Variants in FAM13C observed in about 807,000 individuals in gnomAD.
FAM13C encodes protein FAM13C.
FAM13C carries 37 observed loss-of-function variants against 73.2 expected under a neutral mutation model. The ratio of observed to expected loss-of-function variants is 0.51; its 90% CI spans 0.39 to 0.67. The LOEUF is 0.67. FAM13C is among the 30% of genes least tolerant of loss of function. The pLI is 0.00. For missense variants in FAM13C, 589 were observed against 715.6 expected (o/e 0.82, Z 2.02); for synonymous variants, 246 against 260.9 (o/e 0.94, Z 0.55).
At chr10:59,327,096 A>C (rs538734318) in intron 3 of FAM13C, among the ~76,000 whole-genome samples, 2 of 152,180 alleles carry the variant, frequency 1.3e-5, no homozygotes, top group African/African-American at 4.8e-5. Context: ...ATTGGCATTA[A>C]GGAACGACAG....
intron 4 of FAM13C, among the ~76,000 whole-genome samples, chr10:59,310,047 C>A (rs577099805): frequency 6.6e-6 from 1 of 152,274 alleles, no homozygotes; most frequent in East Asian, 1.9e-4. Context: ...TAATTAGTAG[C>A]TTTTGAACCC....
Position 59,355,886 on chromosome 10 carries a change from C to T in FAM13C, c.119+1G>A. On this transcript the variant is annotated splice_donor_variant, in intron 2 of 13. Coordinates refer to ENST00000618804, the MANE Select transcript of FAM13C (RefSeq NM_198215.4). LOFTEE classifies it high-confidence loss of function. Reference sequence around the variant, plus strand: ...ATGAACCAAGCAATGGTGGCTTTTACCTGAGACTGGAGCAATCAGTCTGGT... The same window carrying T: ...ATGAACCAAGCAATGGTGGCTTTTATCTGAGACTGGAGCAATCAGTCTGGT... 6.2e-7 allele frequency: 1 copy of T among 1,613,816 alleles called. No homozygotes were observed. The highest frequency in any genetic ancestry group is 1.1e-5 in the South Asian group (1 of 91,072).
chr10:59,297,381 A>T (rs1052723883), intron 5 of FAM13C: 2 of 152,226 alleles, frequency 1.3e-5, no homozygotes, highest in Non-Finnish European at 2.9e-5. Context: ...TCACAGTTAG[A>T]AATGGGGAAG....
chr10:59,360,490 A>G (rs7080408), intron 1 of FAM13C, among the ~76,000 whole-genome samples: 15,047 of 152,084 alleles, frequency 0.099, 1,113 homozygotes, highest in African/African-American at 0.21. Flanking sequence ...AGAACCTGCT[A>G]TGTCTGTGTC....
intron 13 of FAM13C, 147 bp from the exon 14 acceptor site, chr10:59,247,884 A>T (rs1179941057): frequency 1.5e-6 from 1 of 667,626 alleles, no homozygotes; most frequent in African/African-American, 1.8e-5. Flanking sequence ...TTTCACCTTC[A>T]TTCACTCCTT....
At chr10:59,301,995 G>C (rs1477879715) in intron 5 of FAM13C, among the ~76,000 whole-genome samples, 1 of 146,088 alleles carries the variant, frequency 6.8e-6, no homozygotes, top group Non-Finnish European at 1.5e-5. Flanking sequence ...AGGAAGGGAT[G>C]CATCTTCAAA....
chr10:59,330,734 G>C (rs1239519087), intron 3 of FAM13C, among the ~76,000 whole-genome samples: 1 of 152,116 alleles, frequency 6.6e-6, no homozygotes, highest in South Asian at 2.1e-4. Context: ...GCCTTGCACA[G>C]GTCTCCAACT....
chr10:59,251,727 A>T (rs763724060), intron 12 of FAM13C, 51 bp from the exon 13 acceptor site: 5 of 1,357,112 alleles, frequency 3.7e-6, no homozygotes, highest in Non-Finnish European at 4.1e-6. Context: ...TAATTGAGAG[A>T]TCATCATGAG....
At chr10:59,359,852 G>C (rs1412168695) in intron 1 of FAM13C, among the ~76,000 whole-genome samples, 2 of 152,168 alleles carry the variant, frequency 1.3e-5, no homozygotes, top group Non-Finnish European at 2.9e-5. Context: ...AGTTAGCTTT[G>C]AGAACCACTG....
chr10:59,272,719 C>T (rs1351561465), intron 6 of FAM13C, among the ~76,000 whole-genome samples: 1 of 152,104 alleles, frequency 6.6e-6, no homozygotes, highest in Non-Finnish European at 1.5e-5. Flanking sequence ...CTCTCTTTTT[C>T]ATTGTTTGGC....
intron 3 of FAM13C, chr10:59,327,769 C>A (rs1359064823): frequency 6.6e-6 from 1 of 152,092 alleles, no homozygotes; most frequent in East Asian, 1.9e-4. Flanking sequence ...ATATACCAAG[C>A]ACTTTTATAG....
At chr10:59,309,221 C>T (rs1848647327) in intron 4 of FAM13C, among the ~76,000 whole-genome samples, 1 of 152,060 alleles carries the variant, frequency 6.6e-6, no homozygotes, top group Admixed American at 6.6e-5. Context: ...TGTCTGTCCC[C>T]TCCCCTCTAT....
chr10:59,340,782 A>G (rs985270375), intron 3 of FAM13C, among the ~76,000 whole-genome samples: 1 of 151,998 alleles, frequency 6.6e-6, no homozygotes, highest in African/African-American at 2.4e-5. Context: ...CTTATTTTAT[A>G]TTAGATTGGT....
At chr10:59,290,580 A>T (rs977134208) in intron 5 of FAM13C, among the ~76,000 whole-genome samples, 1 of 152,064 alleles carries the variant, frequency 6.6e-6, no homozygotes, top group Non-Finnish European at 1.5e-5. Context: ...ACTCAGCTCT[A>T]GTTGTTTCTC....
intron 4 of FAM13C, among the ~76,000 whole-genome samples, chr10:59,320,280 GC>G (rs1301245524): frequency 6.6e-6 from 1 of 152,130 alleles, no homozygotes; most frequent in Non-Finnish European, 1.5e-5. Flanking sequence ...CTTTGTACAA[GC>G]CAAATATGTC....
At position 59,352,285 on chromosome 10, in the gene FAM13C, G is replaced by T; in HGVS notation, c.309C>A (p.Ser103Arg). The T allele has an allele frequency of 6.2e-7, 1 of 1,613,916 alleles. No homozygotes were observed. The highest frequency in any genetic ancestry group is 8.5e-7 in the Non-Finnish European group (1 of 1,180,002). ...GAGCTGCTACCTGACTTTCTCCGTG[G>T]CTCCTCCCGCTCTCCGCTTTGAAGA... ...KSIFKAESGR[S>R]HGESQETEHV... The change falls in exon 3 of 14, where the codon AGC becomes AGA. Residue 103 changes from serine (S) to arginine (R), a missense_variant. Coordinates refer to ENST00000618804, the MANE Select transcript of FAM13C (RefSeq NM_198215.4).
chr10:59,264,058 GA>G, intron 9 of FAM13C, 26 bp downstream of exon 9: 2 of 1,604,848 alleles, frequency 1.2e-6, no homozygotes, highest in South Asian at 1.1e-5. Context: ...CCTTTGTGAG[GA>G]AAAAAGATCT....
chr10:59,356,437 G>A (rs1440754341), intron 1 of FAM13C, among the ~76,000 whole-genome samples: 2 of 152,130 alleles, frequency 1.3e-5, no homozygotes, highest in Non-Finnish European at 2.9e-5. Context: ...TTAACTTTAT[G>A]AAAAATTCTT....
chr10:59,265,331 G>GA (rs1397682752), intron 8 of FAM13C, among the ~76,000 whole-genome samples: 2 of 51,378 alleles, frequency 3.9e-5, no homozygotes, highest in Non-Finnish European at 8.4e-5. Flanking sequence ...GCGGGGGGGG[G>GA]GGGGAATCCT....
Sources: allele counts gnomAD v4.1 joint callset (sites outside exome capture counted in the v4.1 genomes callset), GRCh38; gene constraint gnomAD v4.1.1; transcripts MANE v1.5; gene names NCBI Gene and HGNC (gene_info 2026-07-23, HGNC 2026-07-21).